The following RGPD4 variants were observed in gnomAD, a reference collection of about 807,000 sequenced individuals.
RGPD4 encodes ranBP2-like and GRIP domain-containing protein 4.
In RGPD4, 84 loss-of-function variants were observed where a neutral mutation model predicts 141.1. That is an observed-to-expected ratio of 0.60 (90% CI 0.50 to 0.71). The LOEUF (loss-of-function observed/expected upper bound fraction) is 0.71, where lower values mean the gene tolerates loss of function less well. RGPD4 is among the 30% of genes least tolerant of loss of function. The probability of loss-of-function intolerance (pLI) is 0.00; values close to 1 mark genes in which losing one functional copy is unlikely to be tolerated. For missense variants in RGPD4, 918 were observed against 1,622.4 expected (o/e 0.57, Z 7.46); for synonymous variants, 298 against 566.8 (o/e 0.53, Z 6.74).
chr2:107,857,325 G>C (rs1018933314), intron 9 of RGPD4, among the ~76,000 whole-genome samples: 1 of 151,406 alleles, frequency 6.6e-6, no homozygotes, highest in Non-Finnish European at 1.5e-5. Context: ...TTTTAGTAGA[G>C]ACAGGGTTTC....
chr2:107,844,625 A>G (rs1442052313), intron 6 of RGPD4, among the ~76,000 whole-genome samples: 3 of 138,028 alleles, frequency 2.2e-5, no homozygotes, highest in Admixed American at 2.1e-4. Context: ...GAAAAAGTAC[A>G]TAGTGTCCTA....
rs775674989 is a variant in RGPD4 at position 107,827,088 on chromosome 2, G to A, written c.72+3G>A. ...GCTCCGCCCCGTCGCCTCGAAAGGTGAGTGGATCTCGAAGAGACCGACGGC... is the reference window on the plus strand; with the variant it reads ...GCTCCGCCCCGTCGCCTCGAAAGGTAAGTGGATCTCGAAGAGACCGACGGC... On this transcript the variant is annotated splice_donor_region_variant and intron_variant, in intron 1 of 22. Coordinates refer to ENST00000408999, the MANE Select transcript of RGPD4 (RefSeq NM_182588.3). The A allele has an allele frequency of 1.9e-6, 3 of 1,589,368 alleles. No individual in the cohort carries two copies. Among genetic ancestry groups the A allele is most frequent in the Non-Finnish European group, 2.6e-6 (3 of 1,169,420 alleles).
At chr2:107,883,006 T>C in intron 22 of RGPD4, 133 bp downstream of exon 22, 1 of 1,015,348 alleles carries the variant, frequency 9.8e-7, no homozygotes, top group South Asian at 1.4e-5. Context: ...GAGTAGGCCG[T>C]GACTAGATTT....
intron 21 of RGPD4, among the ~76,000 whole-genome samples, chr2:107,882,427 C>T (rs1197371160): frequency 6.6e-6 from 1 of 151,564 alleles, no homozygotes; most frequent in Non-Finnish European, 1.5e-5. Context: ...GCAAATGCAG[C>T]TTTGAAACTA....
chr2:107,834,210 T>C (rs1470297912), intron 1 of RGPD4, among the ~76,000 whole-genome samples: 13 of 151,268 alleles, frequency 8.6e-5, no homozygotes, highest in Admixed American at 3.3e-4. Flanking sequence ...CACCTCCTTG[T>C]TTACATTTAT....
intron 21 of RGPD4, among the ~76,000 whole-genome samples, chr2:107,880,394 G>T (rs1217676922): frequency 1.4e-5 from 2 of 146,480 alleles, no homozygotes; most frequent in Non-Finnish European, 3.0e-5. Context: ...CTCCCAAGTA[G>T]CTGGGACTAC....
chr2:107,831,364 T>C (rs1466979944), intron 1 of RGPD4, among the ~76,000 whole-genome samples: 22 of 144,184 alleles, frequency 1.5e-4, no homozygotes, highest in African/African-American at 5.0e-4. Context: ...GGTCTTGCTA[T>C]GTTGCTCATC....
chr2:107,829,531 G>A (rs1298585064), intron 1 of RGPD4, among the ~76,000 whole-genome samples: 1 of 140,764 alleles, frequency 7.1e-6, no homozygotes, highest in African/African-American at 2.8e-5. Context: ...CTCTGTTGAG[G>A]CGGCGGCCTC....
In RGPD4 at chr2:107,878,434, A is replaced by C. The variant is rs886421882; in HGVS notation, c.4925-1534A>C. Among the ~76,000 whole-genome samples the C allele has an allele frequency of 6.0e-5, 9 of 150,940 alleles. 1 individual carries two copies. Among genetic ancestry groups the C allele is most frequent in the Middle Eastern group, 3.4e-3 (1 of 292 alleles). Reference sequence around the variant, plus strand: ...TACGGAGTCTGTGTCTTCCGCCAGCACATACACACAGTCTTTAGAGCAGCT... The same window carrying C: ...TACGGAGTCTGTGTCTTCCGCCAGCCCATACACACAGTCTTTAGAGCAGCT... On this transcript the variant is annotated intron_variant, in intron 20 of 22. Transcript: ENST00000408999.
chr2:107,833,177 G>T (rs1264422246), intron 1 of RGPD4, among the ~76,000 whole-genome samples: 8 of 150,788 alleles, frequency 5.3e-5, no homozygotes, highest in South Asian at 2.1e-4. Flanking sequence ...AGGATTTTAG[G>T]GGGAGGGAGA....
intron 9 of RGPD4, among the ~76,000 whole-genome samples, chr2:107,858,269 G>T (rs1290374041): frequency 6.6e-6 from 1 of 151,766 alleles, no homozygotes; most frequent in South Asian, 2.1e-4. Flanking sequence ...TGTCTTCATG[G>T]CAAGTTATTT....
chr2:107,829,608 G>A (rs540266018), intron 1 of RGPD4, among the ~76,000 whole-genome samples: 2 of 150,226 alleles, frequency 1.3e-5, no homozygotes, highest in Non-Finnish European at 2.9e-5. Flanking sequence ...GCTCCCAGGC[G>A]GGCTCTGTTG....
intron 22 of RGPD4, among the ~76,000 whole-genome samples, chr2:107,888,323 C>T (rs1675564276): frequency 6.9e-6 from 1 of 145,620 alleles, no homozygotes; most frequent in African/African-American, 2.6e-5. Flanking sequence ...TTTATTTTGT[C>T]AAAAATCTTA....
intron 9 of RGPD4, among the ~76,000 whole-genome samples, chr2:107,857,855 G>A (rs1339449773): frequency 6.6e-6 from 1 of 151,756 alleles, no homozygotes; most frequent in East Asian, 2.0e-4. Flanking sequence ...ATCCGGGGGT[G>A]GTGGCATGTG....
Position 107,871,825 on chromosome 2 carries a change from C to A in RGPD4, c.3821C>A (p.Ala1274Glu). 6.2e-7 allele frequency: 1 copy of A among 1,611,588 alleles called. No homozygotes were observed. The highest frequency in any genetic ancestry group is 8.5e-7 in the Non-Finnish European group (1 of 1,179,850). The change falls in exon 20 of 23, where the codon GCA (alanine) becomes GAA (glutamate). Residue 1274 changes from alanine (A) to glutamate (E), a missense_variant. Transcript: ENST00000408999. ...SSSSVHASPL[A>E]SSPVRKNLFH... ...AGCTCAGTACATGCTTCTCCATTGG[C>A]AAGTAGCCCTGTGAGAAAAAATCTT...
At chr2:107,874,053 C>G (rs541580459) in intron 20 of RGPD4, among the ~76,000 whole-genome samples, 2 of 145,972 alleles carry the variant, frequency 1.4e-5, no homozygotes, top group African/African-American at 5.1e-5. Context: ...TGGCATGACA[C>G]CCTTGTTGGT....
intron 18 of RGPD4, among the ~76,000 whole-genome samples, chr2:107,866,916 C>T (rs1344555009): frequency 2.3e-5 from 3 of 128,904 alleles, no homozygotes; most frequent in African/African-American, 8.8e-5. Context: ...GTGTATCAGA[C>T]ATTTATTAGA....
intron 21 of RGPD4, among the ~76,000 whole-genome samples, chr2:107,882,290 CT>C (rs1675388079): frequency 6.7e-6 from 1 of 149,826 alleles, no homozygotes; most frequent in Admixed American, 7.2e-5. Context: ...GTCTCATCTA[CT>C]TTTTCTCCTC....
intron 21 of RGPD4, among the ~76,000 whole-genome samples, 152 bp downstream of exon 21, chr2:107,880,259 CTTTTTTTTTTTTTTTT>C (rs58305715): frequency 2.1e-5 from 1 of 48,184 alleles, no homozygotes; most frequent in Admixed American, 3.5e-4. Flanking sequence ...GAAATATTGC[CTTTTTTTTTTTTTTTT>C]TTTTTTTTGA....
Sources: allele counts gnomAD v4.1 joint callset (sites outside exome capture counted in the v4.1 genomes callset), GRCh38; gene constraint gnomAD v4.1.1; transcripts MANE v1.5; gene names NCBI Gene and HGNC (gene_info 2026-07-23, HGNC 2026-07-21).